DCDC2: variants seen among roughly 807,000 people sequenced by gnomAD.
DCDC2 encodes doublecortin domain containing 2, also known as doublecortin domain-containing protein 2.
Under a neutral mutation model 50.2 loss-of-function variants are expected in DCDC2, and 40 were observed. The ratio of observed to expected loss-of-function variants is 0.80; its 90% CI spans 0.62 to 1.04. DCDC2 has a LOEUF of 1.04. DCDC2 is among the 50% of genes least tolerant of loss of function. DCDC2 has a pLI of 0.00. For missense variants in DCDC2, 570 were observed against 581.9 expected (o/e 0.98, Z 0.21); for synonymous variants, 234 against 210.6 (o/e 1.11, Z -0.96).
At chr6:24,256,510 C>A (rs904566132) in intron 7 of DCDC2, among the ~76,000 whole-genome samples, 3 of 151,846 alleles carry the variant, frequency 2.0e-5, no homozygotes, top group African/African-American at 7.3e-5. Context: ...GTGTGTGTGT[C>A]CGTGTAAACA....
intron 2 of DCDC2, among the ~76,000 whole-genome samples, chr6:24,325,335 G>GT (rs1290296778): frequency 6.7e-6 from 1 of 149,744 alleles, no homozygotes; most frequent in Non-Finnish European, 1.5e-5. Context: ...AGCATGGAAT[G>GT]TAAGTTATTG....
chr6:24,307,750 A>C (rs1041016411), intron 2 of DCDC2, among the ~76,000 whole-genome samples: 48 of 151,624 alleles, frequency 3.2e-4, no homozygotes, highest in African/African-American at 1.2e-3. Flanking sequence ...AAGATTTTTT[A>C]AAGAATCATT....
At chr6:24,272,741 G>T (rs188387481) in intron 7 of DCDC2, among the ~76,000 whole-genome samples, 94 of 152,226 alleles carry the variant, frequency 6.2e-4, no homozygotes, top group Non-Finnish European at 1.2e-3. Context: ...TGCAGAGAAA[G>T]GGCAATACCA....
At chr6:24,183,477 C>T (rs550121125) in intron 8 of DCDC2, among the ~76,000 whole-genome samples, 1 of 152,172 alleles carries the variant, frequency 6.6e-6, no homozygotes, top group South Asian at 2.1e-4. Context: ...AGGGGACTTC[C>T]AAGGGGGAAG....
intron 2 of DCDC2, among the ~76,000 whole-genome samples, chr6:24,312,911 G>C (rs1344803512): frequency 2.0e-5 from 3 of 152,096 alleles, no homozygotes; most frequent in Non-Finnish European, 4.4e-5. Context: ...CAGAAGATAA[G>C]ATACCCATCA....
intron 9 of DCDC2, among the ~76,000 whole-genome samples, chr6:24,175,059 C>A (rs868628318): frequency 4.3e-4 from 66 of 151,984 alleles, no homozygotes; most frequent in African/African-American, 1.5e-3. Flanking sequence ...TCTACTAGTG[C>A]TTGAAAGGCC....
chr6:24,332,705 AAACAT>A (rs1245351735), intron 2 of DCDC2, among the ~76,000 whole-genome samples: 3 of 152,154 alleles, frequency 2.0e-5, no homozygotes, highest in African/African-American at 7.2e-5. Context: ...AAGCAATTTA[AAACAT>A]AAAAGAACAG....
At chr6:24,191,969 G>T (rs778946529) in intron 8 of DCDC2, among the ~76,000 whole-genome samples, 1 of 152,096 alleles carries the variant, frequency 6.6e-6, no homozygotes, top group Non-Finnish European at 1.5e-5. Context: ...CCTAAAGAAG[G>T]CTTGGGGATG....
intron 1 of DCDC2, among the ~76,000 whole-genome samples, chr6:24,354,770 C>T (rs1231616809): frequency 6.6e-6 from 1 of 152,092 alleles, no homozygotes; most frequent in Non-Finnish European, 1.5e-5. Context: ...TCTCTAGAAT[C>T]CTCTGCTGTA....
intron 2 of DCDC2, among the ~76,000 whole-genome samples, chr6:24,322,052 AT>A (rs1003911205): frequency 3.9e-5 from 6 of 152,096 alleles, no homozygotes; most frequent in Non-Finnish European, 7.4e-5. Context: ...TCATATTCTG[AT>A]TTAACGCTTG....
chr6:24,204,918 G>T, intron 8 of DCDC2, 84 bp downstream of exon 8: 1 of 1,297,578 alleles, frequency 7.7e-7, no homozygotes, highest in Non-Finnish European at 1.1e-6. Context: ...ACAGGTATAG[G>T]AACAATTTGT....
chr6:24,324,230 A>G (rs1013154206), intron 2 of DCDC2, among the ~76,000 whole-genome samples: 3 of 152,188 alleles, frequency 2.0e-5, no homozygotes, highest in African/African-American at 4.8e-5. Flanking sequence ...CAAAAAATGT[A>G]AGAAGCTCGC....
chr6:24,363,381 G>A, the DCDC2 span, among the ~76,000 whole-genome samples: 2 of 152,118 alleles, frequency 1.3e-5, no homozygotes, highest in African/African-American at 4.8e-5. Context: ...TGCTCCTGTA[G>A]TCCCAGCTAC....
Position 24,301,814 on chromosome 6 carries a change from G to A in DCDC2, c.458C>T (p.Ala153Val). 6.2e-7 allele frequency: 1 copy of A among 1,614,206 alleles called. No homozygotes were observed. Among genetic ancestry groups the A allele is most frequent in the Non-Finnish European group, 8.5e-7 (1 of 1,180,042 alleles). The change falls in exon 4 of 10, where the codon GCT (alanine) becomes GTT (valine). Residue 153 changes from alanine (A) to valine (V), a missense_variant. Coordinates refer to ENST00000378454, the MANE Select transcript of DCDC2 (RefSeq NM_016356.5). ...LIANGDLINP[A>V]SRLLIPRKTL... ...TTTTCTGGGGATAAGGAGGCGAGAAGCTGGGTTTATGAGGTCTCCATTTGC... is the reference window on the plus strand; with the variant it reads ...TTTTCTGGGGATAAGGAGGCGAGAAACTGGGTTTATGAGGTCTCCATTTGC...
chr6:24,300,328 G>A (rs1759345418), intron 4 of DCDC2, among the ~76,000 whole-genome samples: 1 of 152,142 alleles, frequency 6.6e-6, no homozygotes, highest in African/African-American at 2.4e-5. Flanking sequence ...GCTGCAGTGA[G>A]CTGAGATCAC....
chr6:24,206,322 G>C (rs1581585892), intron 7 of DCDC2, among the ~76,000 whole-genome samples: 3 of 152,150 alleles, frequency 2.0e-5, no homozygotes, highest in African/African-American at 7.2e-5. Flanking sequence ...AAGGGCAATA[G>C]CAGAGTATTA....
intron 7 of DCDC2, among the ~76,000 whole-genome samples, chr6:24,258,053 AC>A (rs1279898997): frequency 8.5e-5 from 13 of 152,138 alleles, no homozygotes; most frequent in African/African-American, 2.9e-4. Context: ...TGGACTGCTA[AC>A]CTCCTGAAGT....
intron 7 of DCDC2, among the ~76,000 whole-genome samples, chr6:24,270,770 C>T (rs1763220057): frequency 2.0e-5 from 3 of 152,196 alleles, no homozygotes; most frequent in African/African-American, 7.2e-5. Flanking sequence ...CCTAACCAAG[C>T]CCCCATGTGG....
chr6:24,381,870 G>GGAAGGAGAAAGA, the DCDC2 span, among the ~76,000 whole-genome samples: 1 of 110,858 alleles, frequency 9.0e-6, no homozygotes, highest in African/African-American at 3.3e-5. Flanking sequence ...AGAAATAAAA[G>GGAAGGAGAAAGA]AAAGAAAGAG....
Sources: gnomAD v4.1 joint callset for allele counts (sites outside exome capture counted in the v4.1 genomes callset) on GRCh38, gnomAD v4.1.1 for gene constraint, MANE v1.5 for transcripts, NCBI Gene and HGNC (gene_info 2026-07-23, HGNC 2026-07-21) for gene names.